The following CPLX2 variants were observed in gnomAD, a reference collection of about 807,000 sequenced individuals.
CPLX2 encodes the protein complexin 2, also known as complexin-2.
Under a neutral mutation model 16.3 loss-of-function variants are expected in CPLX2, and 5 were observed. That is an observed-to-expected ratio of 0.31 (90% confidence interval 0.16 to 0.64). The LOEUF (loss-of-function observed/expected upper bound fraction) is 0.64, where lower values mean the gene tolerates loss of function less well. Among genes scored for constraint, CPLX2 ranks in the 30% least tolerant of loss-of-function variants. The pLI, the probability that CPLX2 is intolerant of heterozygous loss-of-function variation, is 0.79. For synonymous variants in CPLX2, 89 were observed against 73.2 expected (o/e 1.22, Z -1.10); for missense variants, 144 against 181.4 (o/e 0.79, Z 1.18).
chr5:175,829,098 T>TGAA (rs1346247682), intron 2 of CPLX2, among the ~76,000 whole-genome samples: 4 of 152,248 alleles, frequency 2.6e-5, no homozygotes, highest in Admixed American at 6.5e-5. Flanking sequence ...CCACGTCAGG[T>TGAA]GAAGGGCAGC....
chr5:175,824,141 CCT>C (rs1399658586), intron 2 of CPLX2, among the ~76,000 whole-genome samples: 1 of 152,182 alleles, frequency 6.6e-6, no homozygotes, highest in African/African-American at 2.4e-5. Flanking sequence ...CTCAAGGACG[CCT>C]TTTTTTCTTT....
At chr5:175,847,966 G>A (rs1291484893) in intron 2 of CPLX2, among the ~76,000 whole-genome samples, 1 of 152,238 alleles carries the variant, frequency 6.6e-6, no homozygotes, top group East Asian at 1.9e-4. Context: ...CTTCATCACA[G>A]GGCTAATGGT....
At position 175,879,345 on chromosome 5, in the gene CPLX2, G is replaced by A. The variant is rs535885109; in HGVS notation, c.207+262G>A. On this transcript the variant is annotated intron_variant, in intron 3 of 3. Coordinates refer to ENST00000393745, the MANE Select transcript of CPLX2 (RefSeq NM_001008220.2). ...CCACCATTTCGTACTGCAGATCTTT[G>A]GGACCAAAAATGAGTGCAGTTCTGA... 5.9e-5 allele frequency among the ~76,000 whole-genome samples: 9 copies of A among 152,276 alleles called. No homozygotes were observed. The East Asian group carries it at 7.7e-4, about 13-fold the overall frequency.
chr5:175,850,324 G>C (rs1449897318), intron 2 of CPLX2, among the ~76,000 whole-genome samples: 1 of 152,200 alleles, frequency 6.6e-6, no homozygotes, highest in African/African-American at 2.4e-5. Flanking sequence ...GGAAGGGCTG[G>C]CTGTATGGAA....
At chr5:175,866,190 G>C (rs548028171) in intron 2 of CPLX2, among the ~76,000 whole-genome samples, 4 of 152,350 alleles carry the variant, frequency 2.6e-5, no homozygotes, top group African/African-American at 7.2e-5. Flanking sequence ...GATTGTGCCT[G>C]GGCAAGTCCA....
chr5:175,852,887 C>G (rs911699991), intron 2 of CPLX2, among the ~76,000 whole-genome samples: 1 of 152,144 alleles, frequency 6.6e-6, no homozygotes, highest in African/African-American at 2.4e-5. Context: ...GTGGGTACCA[C>G]TCTCGATAGC....
At chr5:175,870,855 T>C (rs1759574358), upstream of CPLX2, among the ~76,000 whole-genome samples, 1 of 152,176 alleles carries the variant, frequency 6.6e-6, no homozygotes, top group African/African-American at 2.4e-5. Context: ...CAGTCTTCTC[T>C]TTCTGGGTGC....
rs1759636871 is a variant in CPLX2, at chr5:175,872,030, C to A, written c.-89+325C>A. 1 of 152,310 alleles carries A rather than the reference C, an allele frequency of 6.6e-6. No individual in the cohort carries two copies. Among genetic ancestry groups the A allele is most frequent in the Non-Finnish European group, 1.5e-5 (1 of 68,116 alleles). The allele number at this position is 152,310 out of a possible 1,614,324, so 9.4% of individuals were successfully genotyped here. ...GCCGGGGTCCCGGAGCCAGGACCGC[C>A]CCGGCTGCGGCGGAGACTCAAGTCT... On this transcript the variant is annotated intron_variant, in intron 1 of 3. Coordinates refer to ENST00000393745, the MANE Select transcript of CPLX2 (RefSeq NM_001008220.2). The surrounding 1 kb of genome is among the most constrained non-coding windows in gnomAD (Gnocchi z 5.0).
intron 1 of CPLX2, among the ~76,000 whole-genome samples, chr5:175,799,546 A>ATATTTATATATATATT (rs1348959103): frequency 1.9e-5 from 2 of 107,518 alleles, no homozygotes; most frequent in African/African-American, 6.6e-5. Flanking sequence ...TTTCATATAT[A>ATATTTATATATATATT]TATATATATA....
chr5:175,828,762 C>T (rs1758669682), intron 2 of CPLX2, among the ~76,000 whole-genome samples: 1 of 152,188 alleles, frequency 6.6e-6, no homozygotes, highest in South Asian at 2.1e-4. Context: ...CAGATATTCA[C>T]ACCTGCCTCT....
At chr5:175,817,247 G>C (rs984054879) in intron 2 of CPLX2, among the ~76,000 whole-genome samples, 1 of 152,200 alleles carries the variant, frequency 6.6e-6, no homozygotes, top group African/African-American at 2.4e-5. Flanking sequence ...GAAAGATCTG[G>C]GTTCAAATTC....
chr5:175,863,286 A>G (rs1297310521), intron 2 of CPLX2, among the ~76,000 whole-genome samples: 1 of 152,172 alleles, frequency 6.6e-6, no homozygotes, highest in African/African-American at 2.4e-5. Context: ...GATCACCCAA[A>G]CTCTGGGACT....
chr5:175,807,588 C>G (rs1409607774), intron 1 of CPLX2, among the ~76,000 whole-genome samples: 1 of 152,242 alleles, frequency 6.6e-6, no homozygotes, highest in African/African-American at 2.4e-5. Context: ...GTTTTAAATT[C>G]AAATATTGTC....
intron 2 of CPLX2, among the ~76,000 whole-genome samples, chr5:175,857,885 T>C (rs945019296): frequency 1.3e-5 from 2 of 152,158 alleles, no homozygotes; most frequent in African/African-American, 4.8e-5. Flanking sequence ...GGAGCAGTGT[T>C]AAGTGAGCAC....
chr5:175,860,497 GAAAAGAAAGAAAGAAAGA>G lies in CPLX2; in HGVS notation c.-88-18134_-88-18117del, dbSNP rs1214909733. Among the ~76,000 whole-genome samples, 50 of 54,654 alleles carry G rather than the reference GAAAAGAAAGAAAGAAAGA, an allele frequency of 9.1e-4. No homozygotes were observed. The East Asian group carries it at 0.01, about 11-fold the overall frequency. 35.9% of individuals were successfully genotyped at this position (54,654 alleles called of 152,430 possible). ...GAGAAAGAAGAAAGAAAGAAAGAAA[GAAAAGAAAGAAAGAAAGA>G]AAAAGAAAGAAAGAAAGAAAGAAAG... On this transcript the variant is annotated intron_variant, in intron 2 of 4. Transcript: ENST00000359546.
chr5:175,879,133 A>T (rs1485741511), intron 3 of CPLX2, 50 bp downstream of exon 3: 19 of 1,523,078 alleles, frequency 1.2e-5, no homozygotes, highest in Admixed American at 6.1e-5. Context: ...AGCGGGTAAA[A>T]CCGGTCCAGC....
intron 2 of CPLX2, among the ~76,000 whole-genome samples, chr5:175,860,764 C>G (rs1344271860): frequency 1.3e-5 from 2 of 152,150 alleles, no homozygotes; most frequent in Admixed American, 1.3e-4. Flanking sequence ...CTCTAATTAG[C>G]TGGCTATGGA....
In CPLX2 at chr5:175,836,306, T is replaced by C. The variant is rs544368371; in HGVS notation, c.-89+27238T>C. Among the ~76,000 whole-genome samples, 756 of 152,108 alleles carry C rather than the reference T, an allele frequency of 5.0e-3. 7 individuals are homozygous for C. Among genetic ancestry groups the C allele is most frequent in the African/African-American group, 0.017 (686 of 41,514 alleles). On this transcript the variant is annotated intron_variant, in intron 2 of 4. Transcript: ENST00000359546. ...CGGAGCTTGCAGTGAGCCGAGATCG[T>C]GCCACTGCACTCCAGCCTGGGCGAC...
In CPLX2 at chr5:175,830,525, C is replaced by T. The variant is rs1758716400; in HGVS notation, c.-89+21457C>T. On this transcript the variant is annotated intron_variant, in intron 2 of 4. Transcript: ENST00000359546. This position sits in a 1 kb window ranked among gnomAD's most constrained non-coding sequence, Gnocchi z 4.0. ...TAGGGGTGAAGCACCCCACCCCCAG[C>T]TGTCCAGCCACCCTTAGCCTCTTCC... Among the ~76,000 whole-genome samples, 1 of 152,150 alleles carries T rather than the reference C, an allele frequency of 6.6e-6. No homozygotes were observed. Among genetic ancestry groups the T allele is most frequent in the Non-Finnish European group, 1.5e-5 (1 of 68,024 alleles).
Sources: gnomAD v4.1 joint callset for allele counts (sites outside exome capture counted in the v4.1 genomes callset) on GRCh38, gnomAD v4.1.1 for gene constraint, Gnocchi (gnomAD v3.1) non-coding constraint, MANE v1.5 for transcripts, NCBI Gene and HGNC (gene_info 2026-07-23, HGNC 2026-07-21) for gene names.